Variants in CPT1A observed in about 807,000 individuals in gnomAD.
CPT1A encodes carnitine O-palmitoyltransferase 1, liver isoform.
Under a neutral mutation model 100.8 loss-of-function variants are expected in CPT1A, and 64 were observed. The ratio of observed to expected loss-of-function variants is 0.63; its 90% CI spans 0.52 to 0.78. The LOEUF (loss-of-function observed/expected upper bound fraction) is 0.78, where lower values mean the gene tolerates loss of function less well. Ranked by LOEUF, CPT1A falls within the 30% of genes least tolerant of loss-of-function variation. The pLI is 0.00. For missense variants in CPT1A, 802 were observed against 1,034.1 expected (o/e 0.78, Z 3.08); for synonymous variants, 363 against 396.0 (o/e 0.92, Z 0.99).
At chr11:68,837,269 C>T (rs564200362) in intron 1 of CPT1A, among the ~76,000 whole-genome samples, 4 of 152,228 alleles carry the variant, frequency 2.6e-5, no homozygotes, top group African/African-American at 9.6e-5. Context: ...AGGCTGGTCT[C>T]GATCTCCTGA....
chr11:68,796,530 T>C (rs1218773630), intron 7 of CPT1A, among the ~76,000 whole-genome samples: 1 of 152,016 alleles, frequency 6.6e-6, no homozygotes, highest in Admixed American at 6.6e-5. Flanking sequence ...CACTCCAGCC[T>C]GGGGGACAAG....
At position 68,773,445 on chromosome 11, in the gene CPT1A, A is replaced by G. The variant is rs1855051941; in HGVS notation, c.1576-16T>C. ...CCTCTTGACACTTGAGAGAAAGAAG[A>G]AAAAGGTTTTACGGAACGAGGGGAG... On this transcript the variant is annotated splice_polypyrimidine_tract_variant and intron_variant, in intron 13 of 18. Coordinates refer to ENST00000265641, the MANE Select transcript of CPT1A (RefSeq NM_001876.4). The G allele has an allele frequency of 6.2e-7, 1 of 1,613,832 alleles. No individual in the cohort carries two copies. The highest frequency in any genetic ancestry group is 1.3e-5 in the African/African-American group (1 of 74,896).
chr11:68,840,799 G>C (rs1264058282), intron 1 of CPT1A, among the ~76,000 whole-genome samples: 1 of 152,244 alleles, frequency 6.6e-6, no homozygotes, highest in African/African-American at 2.4e-5. Context: ...GTGGCTCCGA[G>C]AAGGGGCTGC....
chr11:68,797,483 C>A (rs1052056502), intron 6 of CPT1A, among the ~76,000 whole-genome samples: 1 of 152,002 alleles, frequency 6.6e-6, no homozygotes, highest in African/African-American at 2.4e-5. Context: ...CCAGCCTGGG[C>A]AACATAGCAA....
intron 9 of CPT1A, among the ~76,000 whole-genome samples, chr11:68,786,294 G>A (rs1252233245): frequency 6.6e-6 from 1 of 152,180 alleles, no homozygotes; most frequent in African/African-American, 2.4e-5. Context: ...CTGGGGAGCA[G>A]AGGCTGCAGT....
chr11:68,831,186 T>G (rs1292173340), intron 1 of CPT1A, among the ~76,000 whole-genome samples: 1 of 152,198 alleles, frequency 6.6e-6, no homozygotes, highest in Admixed American at 6.5e-5. Context: ...TCTTTCGAAG[T>G]CATTGGCCTA....
chr11:68,831,988 A>T (rs1856892523), intron 1 of CPT1A, among the ~76,000 whole-genome samples: 1 of 152,184 alleles, frequency 6.6e-6, no homozygotes, highest in African/African-American at 2.4e-5. Flanking sequence ...TGACCCATAT[A>T]TATTTTTATA....
intron 1 of CPT1A, among the ~76,000 whole-genome samples, chr11:68,840,303 G>A (rs1857127461): frequency 6.6e-6 from 1 of 152,102 alleles, no homozygotes; most frequent in Non-Finnish European, 1.5e-5. Flanking sequence ...CGGGGGTGGG[G>A]GTGCTTCCTG....
At chr11:68,778,825 G>A (rs989645097) in intron 12 of CPT1A, among the ~76,000 whole-genome samples, 3 of 150,526 alleles carry the variant, frequency 2.0e-5, no homozygotes, top group African/African-American at 4.9e-5. Flanking sequence ...TCACTCTTTC[G>A]TCCAGGCTGG....
At chr11:68,839,326 G>A (rs949416872) in intron 1 of CPT1A, among the ~76,000 whole-genome samples, 66 of 152,312 alleles carry the variant, frequency 4.3e-4, no homozygotes, top group African/African-American at 1.5e-3. Flanking sequence ...GAAGGGCACC[G>A]CCAGCAACTG....
intron 5 of CPT1A, among the ~76,000 whole-genome samples, chr11:68,802,025 AAGGCCACGTG>A (rs1467417391): frequency 6.6e-6 from 1 of 152,180 alleles, no homozygotes; most frequent in Non-Finnish European, 1.5e-5. Context: ...CTAGTCACAA[AAGGCCACGTG>A]ATTCCATTTA....
Position 68,784,895 on chromosome 11 carries a change from C to T in CPT1A, c.1083G>A (p.Gln361=), listed in dbSNP as rs761229343. The change falls in exon 10 of 19, where the codon CAG becomes CAA. Residue 361 remains glutamine (Q), a synonymous_variant. Transcript: ENST00000265641. ...TATTGTCCAGGATCCTCTGCATCTGCTGCTCCATCTCCCGGGGCTTCAGCA... is the reference window on the plus strand; with the variant it reads ...TATTGTCCAGGATCCTCTGCATCTGTTGCTCCATCTCCCGGGGCTTCAGCA... ...GRLLKPREME[Q]QMQRILDNTS... 2.2e-5 allele frequency: 36 copies of T among 1,614,098 alleles called. 1 individual carries two copies. The South Asian group carries it at 4.0e-4, about 18-fold the overall frequency.
At chr11:68,780,455 T>C (rs956392629) in intron 12 of CPT1A, among the ~76,000 whole-genome samples, 185 bp downstream of exon 12, 3 of 152,180 alleles carry the variant, frequency 2.0e-5, no homozygotes, top group African/African-American at 7.2e-5. Context: ...GGCTAATTTT[T>C]GTATTTTTAG....
chr11:68,836,022 T>C (rs1857000450), intron 1 of CPT1A, among the ~76,000 whole-genome samples: 1 of 152,186 alleles, frequency 6.6e-6, no homozygotes, highest in Admixed American at 6.5e-5. Context: ...AATGTGGATT[T>C]CTCTTCCTAC....
rs1057517046 is a variant in CPT1A at position 68,775,433 on chromosome 11, C to T, written c.1459-1G>A. On this transcript the variant is annotated splice_acceptor_variant, in intron 12 of 18. Transcript: ENST00000265641. LOFTEE classifies it high-confidence loss of function. ...GGAGGCTGTCAATGGACATGACGTA[C>T]TGTCAAAAATAGAACAAAATTATTA... 2 of 1,610,236 alleles carry T rather than the reference C, an allele frequency of 1.2e-6. No individual in the cohort carries two copies. The highest frequency in any genetic ancestry group is 2.2e-5 in the South Asian group (2 of 91,000).
At chr11:68,826,252 C>T (rs1360273731) in intron 1 of CPT1A, among the ~76,000 whole-genome samples, 1 of 151,292 alleles carries the variant, frequency 6.6e-6, no homozygotes, top group Non-Finnish European at 1.5e-5. Flanking sequence ...TCGAGACCAG[C>T]CTGGCCAACA....
chr11:68,833,823 A>C (rs1856942756), intron 1 of CPT1A, among the ~76,000 whole-genome samples: 1 of 151,994 alleles, frequency 6.6e-6, no homozygotes, highest in South Asian at 2.1e-4. Context: ...TGTTTTTCGG[A>C]GGGTTTCATG....
In CPT1A at chr11:68,833,516, G is replaced by A. The variant is rs186960965; in HGVS notation, c.-14+8259C>T. Among the ~76,000 whole-genome samples the A allele has an allele frequency of 2.1e-3, 326 of 152,344 alleles. 2 individuals are homozygous for A. The Middle Eastern group carries it at 0.044, about 21-fold the overall frequency. ...TCACGCCTGTAATCCCAGCACTTTG[G>A]GAGGCCAAGGTGGGCGGATCACCTG... is the stretch of plus-strand genomic sequence containing the variant. On this transcript the variant is annotated intron_variant, in intron 1 of 18. Transcript: ENST00000265641.
chr11:68,790,092 G>A (rs546101702), intron 9 of CPT1A, among the ~76,000 whole-genome samples: 2 of 151,598 alleles, frequency 1.3e-5, no homozygotes, highest in Admixed American at 1.3e-4. Flanking sequence ...TTTGAGACAG[G>A]GTCTCATTCT....
Sources: allele counts gnomAD v4.1 joint callset (sites outside exome capture counted in the v4.1 genomes callset), GRCh38; gene constraint gnomAD v4.1.1; transcripts MANE v1.5; gene names NCBI Gene and HGNC (gene_info 2026-07-23, HGNC 2026-07-21).